The following MAS1 variants were observed in gnomAD, a reference collection of about 807,000 sequenced individuals.
MAS1 encodes the protein proto-oncogene Mas.
For missense variants in MAS1, 387 were observed against 409.7 expected (o/e 0.94, Z 0.48); for synonymous variants, 163 against 164.2 (o/e 0.99, Z 0.05).
chr6:159,907,966 G>A lies in MAS1; in HGVS notation c.*33G>A. On this transcript the variant is annotated 3_prime_UTR_variant, in exon 3 of 3. Coordinates refer to ENST00000674077, the MANE Select transcript of MAS1 (RefSeq NM_002377.4). ...GAGGGAAGTTGTGGATAAAAATGGT[G>A]GAACACAGGTCATTTTTAGTTTGTG... The A allele has an allele frequency of 6.5e-7, 1 of 1,542,466 alleles. No homozygotes were observed. The highest frequency in any genetic ancestry group is 1.3e-5 in the South Asian group (1 of 78,864).
chr6:159,908,031 A>G lies in MAS1; in HGVS notation c.*98A>G. On this transcript the variant is annotated 3_prime_UTR_variant, in exon 3 of 3. Transcript: ENST00000674077. ...TAAGTATCTCCTAAATGTGATACAG[A>G]AGAACATCTCATCCCATATGCATGA... 7.4e-7 allele frequency: 1 copy of G among 1,345,434 alleles called. No homozygotes were observed. The highest frequency in any genetic ancestry group is 1.5e-5 in the South Asian group (1 of 66,278). 83.3% of individuals were successfully genotyped at this position (1,345,434 alleles called of 1,614,324 possible).
At position 159,911,109 on chromosome 6, in the gene MAS1, G is replaced by A. The variant is rs574514643; in HGVS notation, c.*3176G>A. 1 of 152,098 alleles carries A rather than the reference G, an allele frequency of 6.6e-6. No homozygotes were observed. Among genetic ancestry groups the A allele is most frequent in the Admixed American group, 6.5e-5 (1 of 15,268 alleles). 9.4% of individuals were successfully genotyped at this position (152,098 alleles called of 1,614,324 possible). ...ACACATTTTCCATAATTCAGTGGCT[G>A]GGCCTCTGCTCTCCTCTTTCTGAGA... On this transcript the variant is annotated 3_prime_UTR_variant, in exon 3 of 3. Coordinates refer to ENST00000674077, the MANE Select transcript of MAS1 (RefSeq NM_002377.4).
intron 1 of MAS1, among the ~76,000 whole-genome samples, chr6:159,894,513 A>T (rs1363736549): frequency 6.6e-6 from 1 of 152,056 alleles, no homozygotes; most frequent in African/African-American, 2.4e-5. Context: ...AAAGAAGAAG[A>T]ACTGCAGGAA....
Position 159,909,859 on chromosome 6 carries a change from G to T in MAS1, c.*1926G>T, listed in dbSNP as rs940611405. On this transcript the variant is annotated 3_prime_UTR_variant, in exon 3 of 3. Transcript: ENST00000674077. The stretch of plus-strand genomic sequence containing the variant: ...TATTTATTGTTTTTCTGCAGATAAA[G>T]TGGGGAAATCGAATGTGATAATGAA... 2.6e-5 allele frequency: 4 copies of T among 152,160 alleles called. No individual in the cohort carries two copies. The highest frequency in any genetic ancestry group is 9.7e-5 in the African/African-American group (4 of 41,448). 9.4% of individuals were successfully genotyped at this position (152,160 alleles called of 1,614,324 possible).
intron 2 of MAS1, chr6:159,902,519 A>G (rs1244999164): frequency 6.6e-6 from 1 of 152,258 alleles, no homozygotes; most frequent in African/African-American, 2.4e-5. Flanking sequence ...TATTTTAAAC[A>G]CATTAGGCTA....
chr6:159,912,490 G>A lies in MAS1; in HGVS notation c.*4557G>A, dbSNP rs1270353687. On this transcript the variant is annotated 3_prime_UTR_variant, in exon 3 of 3. Transcript: ENST00000674077. ...AGATGGTGAGGAGTGGGTGGTAGAA[G>A]TGAAGAAAGGAGGAGGTGGGAGCAA... 3 of 152,228 alleles carry A rather than the reference G, an allele frequency of 2.0e-5. No individual in the cohort carries two copies. The highest frequency in any genetic ancestry group is 6.5e-5 in the Admixed American group (1 of 15,292). 9.4% of individuals were successfully genotyped at this position (152,228 alleles called of 1,614,324 possible).
At chr6:159,898,568 CCTA>C (rs1444682153) in intron 1 of MAS1, among the ~76,000 whole-genome samples, 2 of 81,024 alleles carry the variant, frequency 2.5e-5, no homozygotes, top group East Asian at 2.7e-4. Flanking sequence ...TCTTCCTCCT[CCTA>C]CCTCCTCTTC....
At chr6:159,896,185 C>G (rs1782752238) in intron 1 of MAS1, among the ~76,000 whole-genome samples, 2 of 152,100 alleles carry the variant, frequency 1.3e-5, no homozygotes, top group Admixed American at 1.3e-4. Flanking sequence ...GGCAAGTGCT[C>G]TAGTCCCAGC....
At chr6:159,901,910 G>A (rs557102268) in intron 2 of MAS1, among the ~76,000 whole-genome samples, 3 of 152,018 alleles carry the variant, frequency 2.0e-5, no homozygotes, top group Admixed American at 6.6e-5. Flanking sequence ...TTTCTCAGAT[G>A]AATTTTGTGA....
chr6:159,890,211 G>T (rs1583208801), upstream of MAS1, among the ~76,000 whole-genome samples: 1 of 152,002 alleles, frequency 6.6e-6, no homozygotes, highest in South Asian at 2.1e-4. Flanking sequence ...GGCCATTTTT[G>T]GTTTTTAAAA....
chr6:159,892,750 A>C (rs1484364473), intron 1 of MAS1, among the ~76,000 whole-genome samples: 10 of 152,190 alleles, frequency 6.6e-5, no homozygotes, highest in Admixed American at 5.2e-4. Context: ...GGCTCTGCAA[A>C]GCCCACATCC....
At chr6:159,890,858 G>A (rs117859111), upstream of MAS1, among the ~76,000 whole-genome samples, 7,568 of 152,240 alleles carry the variant, frequency 0.05, 260 homozygotes, top group Non-Finnish European at 0.075. Context: ...CTCACACCCC[G>A]CTCTGGATTG....
At chr6:159,894,325 A>G (rs1782730878) in intron 1 of MAS1, among the ~76,000 whole-genome samples, 1 of 151,558 alleles carries the variant, frequency 6.6e-6, no homozygotes, top group African/African-American at 2.4e-5. Flanking sequence ...AGGCTGAGGC[A>G]GGAGAATCAC....
rs1476609995 is a variant in MAS1, at chr6:159,907,610, T to G, written c.655T>G (p.Trp219Gly). Residue 219 changes from tryptophan (W) to glycine (G), a missense_variant, in exon 3 of 3, where the codon TGG (tryptophan) becomes GGG (glycine). By Grantham distance (184) the Trp-to-Gly change is radical. Transcript: ENST00000674077. ...ILVVKIRKNT[W>G]ASHSSKLYIV... ...GGTCGTGAAGATCCGGAAGAACACG[T>G]GGGCTTCCCATTCCTCCAAGCTTTA... 1 of 1,613,820 alleles carries G rather than the reference T, an allele frequency of 6.2e-7. No individual in the cohort carries two copies. Among genetic ancestry groups the G allele is most frequent in the South Asian group, 1.1e-5 (1 of 91,042 alleles).
At position 159,916,747 on chromosome 6, in the gene MAS1, C is replaced by T. The variant is rs1469098834; in HGVS notation, c.*8814C>T. Among the ~76,000 whole-genome samples the T allele has an allele frequency of 1.3e-5, 2 of 152,234 alleles. No individual in the cohort carries two copies. Among genetic ancestry groups the T allele is most frequent in the Non-Finnish European group, 2.9e-5 (2 of 68,042 alleles). On this transcript the variant is annotated 3_prime_UTR_variant, in exon 3 of 3. Transcript: ENST00000674077. ...ACCTGTATTTGCAAGTGAGTGCAGA[C>T]TCCCCTGATTCCAATGAAGCTGCTG...
In MAS1 at chr6:159,907,087, A is replaced by G. The variant is rs1358872882; in HGVS notation, c.132A>G (p.Pro44=). 1 of 1,614,162 alleles carries G rather than the reference A, an allele frequency of 6.2e-7. No homozygotes were observed. The highest frequency in any genetic ancestry group is 1.1e-5 in the South Asian group (1 of 91,078). The change falls in exon 3 of 3, where the codon CCA becomes CCG. Residue 44 remains proline (P), a synonymous_variant. Transcript: ENST00000674077. ...ACTGGGTCATTATGAGCATCTCCCC[A>G]GTGGGGTTTGTTGAGAATGGGATTC... ...IVHWVIMSIS[P]VGFVENGILL...
chr6:159,903,432 G>A (rs75500167), intron 2 of MAS1, among the ~76,000 whole-genome samples: 1 of 152,156 alleles, frequency 6.6e-6, no homozygotes, highest in Admixed American at 6.5e-5. Context: ...AGGTTCCCGA[G>A]CACTAAGCTG....
chr6:159,906,750 C>T, intron 2 of MAS1, 170 bp from the exon 3 acceptor site: 1 of 548,810 alleles, frequency 1.8e-6, no homozygotes, highest in Non-Finnish European at 3.2e-6. Context: ...CCTTTCTTAT[C>T]AGGTCCTAAA....
chr6:159,896,336 G>A (rs1007812469), intron 1 of MAS1, among the ~76,000 whole-genome samples: 1 of 152,012 alleles, frequency 6.6e-6, no homozygotes. Context: ...TAAATCATGA[G>A]ACCTTCAGTT....
Sources: gnomAD v4.1 joint callset for allele counts (sites outside exome capture counted in the v4.1 genomes callset) on GRCh38, gnomAD v4.1.1 for gene constraint, MANE v1.5 for transcripts, NCBI Gene and HGNC (gene_info 2026-07-23, HGNC 2026-07-21) for gene names.